The following SHISA9 variants were observed in gnomAD, a reference collection of about 807,000 sequenced individuals.
The protein encoded by SHISA9 is shisa family member 9, also known as protein shisa-9.
SHISA9 carries 13 observed loss-of-function variants against 38.0 expected under a neutral mutation model. The ratio of observed to expected loss-of-function variants is 0.34; its 90% CI spans 0.22 to 0.54. SHISA9 has a LOEUF of 0.54. Ranked by LOEUF, SHISA9 falls within the 20% of genes least tolerant of loss-of-function variation. The probability of loss-of-function intolerance (pLI) is 0.91; values close to 1 mark genes in which losing one functional copy is unlikely to be tolerated. For synonymous variants in SHISA9, 275 were observed against 242.0 expected (o/e 1.14, Z -1.27); for missense variants, 538 against 575.8 (o/e 0.93, Z 0.67).
At chr16:13,528,849 C>T in the SHISA9 span, among the ~76,000 whole-genome samples, 1 of 152,144 alleles carries the variant, frequency 6.6e-6, no homozygotes, top group South Asian at 2.1e-4. Context: ...CTTTCCATAC[C>T]CCATAAAGTT....
chr16:12,931,536 G>A (rs1216915188), intron 2 of SHISA9, among the ~76,000 whole-genome samples: 1 of 152,224 alleles, frequency 6.6e-6, no homozygotes, highest in Non-Finnish European at 1.5e-5. Flanking sequence ...AGAACATGTG[G>A]TATTTGGCTT....
chr16:13,341,413 A>G, the SHISA9 span, among the ~76,000 whole-genome samples: 1 of 151,884 alleles, frequency 6.6e-6, no homozygotes, highest in African/African-American at 2.4e-5. Flanking sequence ...ACCCAATAAA[A>G]CCTTTCATGC....
intron 2 of SHISA9, among the ~76,000 whole-genome samples, chr16:13,078,900 A>C (rs538439003): frequency 1.4e-4 from 22 of 152,346 alleles, no homozygotes; most frequent in Admixed American, 2.6e-4. Context: ...TACTTTAAAA[A>C]TTAACCGGGA....
chr16:13,324,446 G>A, the SHISA9 span, among the ~76,000 whole-genome samples: 1 of 152,038 alleles, frequency 6.6e-6, no homozygotes, highest in Non-Finnish European at 1.5e-5. Flanking sequence ...AAAGAAAAAT[G>A]GGGAAAGAGC....
intron 2 of SHISA9, among the ~76,000 whole-genome samples, chr16:12,975,202 G>C (rs1009744274): frequency 1.3e-5 from 2 of 152,086 alleles, no homozygotes; most frequent in African/African-American, 4.8e-5. Context: ...TTCACATACA[G>C]CTATTATGTT....
At chr16:12,976,198 G>A (rs1285862884) in intron 2 of SHISA9, among the ~76,000 whole-genome samples, 1 of 151,982 alleles carries the variant, frequency 6.6e-6, no homozygotes, top group Non-Finnish European at 1.5e-5. Context: ...AGAGATTCTT[G>A]TGCCTCAGCC....
chr16:12,931,514 C>T (rs1178987768), intron 2 of SHISA9, among the ~76,000 whole-genome samples: 20 of 152,144 alleles, frequency 1.3e-4, no homozygotes, highest in Admixed American at 1.3e-3. Flanking sequence ...ATTTAGATCC[C>T]ACTTATAAGT....
chr16:13,146,933 C>T (rs1391438465), intron 2 of SHISA9, among the ~76,000 whole-genome samples: 1 of 152,148 alleles, frequency 6.6e-6, no homozygotes, highest in Non-Finnish European at 1.5e-5. Context: ...AGGAAAGAAG[C>T]ATACTTTTTG....
the SHISA9 span, among the ~76,000 whole-genome samples, chr16:13,390,033 T>G: frequency 6.6e-6 from 1 of 152,326 alleles, no homozygotes; most frequent in Admixed American, 6.5e-5. Context: ...GTGCAAAATA[T>G]ACGACTTGAA....
chr16:13,538,145 C>T, the SHISA9 span, among the ~76,000 whole-genome samples: 1 of 152,152 alleles, frequency 6.6e-6, no homozygotes, highest in African/African-American at 2.4e-5. Context: ...AAACCAAGGA[C>T]AGCTCCTGAA....
At chr16:13,389,826 A>G in the SHISA9 span, among the ~76,000 whole-genome samples, 5 of 152,228 alleles carry the variant, frequency 3.3e-5, no homozygotes, top group Non-Finnish European at 5.9e-5. Context: ...TCACAATGCA[A>G]TATCTCCACT....
In SHISA9 at chr16:13,054,176, G is replaced by A. The variant is rs149388341; in HGVS notation, c.691+137361G>A. ...GTGTGTTTCCTGCACCTAGAACCAT[G>A]CCTGGCATTTGATTCAAACACTGGC... On this transcript the variant is annotated intron_variant, in intron 2 of 4. Transcript: ENST00000558583. Among the ~76,000 whole-genome samples the A allele has an allele frequency of 8.3e-3, 1,258 of 152,320 alleles. 10 individuals are homozygous for A. Among genetic ancestry groups the A allele is most frequent in the Admixed American group, 0.013 (197 of 15,306 alleles).
the SHISA9 span, among the ~76,000 whole-genome samples, chr16:13,249,774 C>T: frequency 6.6e-6 from 1 of 152,136 alleles, no homozygotes; most frequent in South Asian, 2.1e-4. Flanking sequence ...CTCACTCTGT[C>T]ACCCAAGCTA....
chr16:13,490,280 G>C, the SHISA9 span, among the ~76,000 whole-genome samples: 2 of 152,130 alleles, frequency 1.3e-5, no homozygotes, highest in African/African-American at 2.4e-5. Context: ...TGGGAAATGA[G>C]GGCCGGGCAC....
At chr16:13,344,357 G>T in the SHISA9 span, among the ~76,000 whole-genome samples, 4 of 152,198 alleles carry the variant, frequency 2.6e-5, no homozygotes, top group African/African-American at 9.6e-5. Context: ...TAGGAATGGG[G>T]GGTGGAAATT....
the SHISA9 span, among the ~76,000 whole-genome samples, chr16:13,507,104 C>T: frequency 6.6e-6 from 1 of 151,970 alleles, no homozygotes; most frequent in Non-Finnish European, 1.5e-5. Context: ...TTTGATGACT[C>T]ATTGATTGTT....
At chr16:13,082,486 C>T (rs1279942242) in intron 2 of SHISA9, 1 of 152,094 alleles carries the variant, frequency 6.6e-6, no homozygotes, top group East Asian at 1.9e-4. Flanking sequence ...CAGCACATCC[C>T]GTTCACAGAA....
At chr16:13,242,981 C>T (rs2051446001), downstream of SHISA9, among the ~76,000 whole-genome samples, 1 of 152,130 alleles carries the variant, frequency 6.6e-6, no homozygotes, top group Non-Finnish European at 1.5e-5. Flanking sequence ...TGGCTCATGC[C>T]TGTAATCCCA....
intron 2 of SHISA9, among the ~76,000 whole-genome samples, chr16:13,053,987 C>T (rs1307053167): frequency 6.6e-6 from 1 of 152,216 alleles, no homozygotes; most frequent in Non-Finnish European, 1.5e-5. Flanking sequence ...CGCCTCTTCT[C>T]TTCCAGCTGG....
Sources: gnomAD v4.1 joint callset for allele counts (sites outside exome capture counted in the v4.1 genomes callset) on GRCh38, gnomAD v4.1.1 for gene constraint, MANE v1.5 for transcripts, NCBI Gene and HGNC (gene_info 2026-07-23, HGNC 2026-07-21) for gene names.